DAGLA: variants seen among roughly 807,000 people sequenced by gnomAD.
DAGLA encodes the protein diacylglycerol lipase alpha.
Under a neutral mutation model 102.6 loss-of-function variants are expected in DAGLA, and 22 were observed. That is an observed-to-expected ratio of 0.21 (90% CI 0.15 to 0.31). The LOEUF is 0.31. Among genes scored for constraint, DAGLA ranks in the 10% least tolerant of loss-of-function variants. The pLI, the probability that DAGLA is intolerant of heterozygous loss-of-function variation, is 1.00. For missense variants in DAGLA, 927 were observed against 1,446.6 expected, an observed-to-expected ratio of 0.64 and a Z score of 5.83; for synonymous variants, 578 against 628.9, an observed-to-expected ratio of 0.92 and a Z score of 1.21.
intron 19 of DAGLA, 130 bp from the exon 20 acceptor site, chr11:61,743,402 G>C (rs1373198818): frequency 3.2e-6 from 2 of 632,368 alleles, no homozygotes; most frequent in African/African-American, 3.7e-5. Context: ...ATTCCCTGCT[G>C]CACATCATCA....
chr11:61,741,386 A>AG lies in DAGLA; in HGVS notation c.2171+38dup, dbSNP rs770506174. On this transcript the variant is annotated intron_variant, in intron 19 of 19. Coordinates refer to ENST00000257215, the MANE Select transcript of DAGLA (RefSeq NM_006133.3). The stretch of plus-strand genomic sequence containing the variant: ...CCACTCCCAGCCCCACCCCAGGGTG[A>AG]GTGTGGTTCAGAGCACATAGACTTG... 7 of 1,585,130 alleles carry AG rather than the reference A, an allele frequency of 4.4e-6. No individual in the cohort carries two copies. In the East Asian group the frequency reaches 1.6e-4, roughly 35 times the overall value.
intron 18 of DAGLA, 120 bp from the exon 19 acceptor site, chr11:61,741,042 C>T: frequency 1.1e-6 from 1 of 950,128 alleles, no homozygotes; most frequent in Non-Finnish European, 1.6e-6. Flanking sequence ...GAGAGTGGGA[C>T]CCAAGTGACT....
chr11:61,726,953 TG>T lies in DAGLA; in HGVS notation c.636+872del. On this transcript the variant is annotated intron_variant, in intron 6 of 19. Coordinates refer to ENST00000257215, the MANE Select transcript of DAGLA (RefSeq NM_006133.3). The stretch of plus-strand genomic sequence containing the variant: ...CTGGGGCGGTCTGAGGGGTCTGGGC[TG>T]CAAGGCAGGCCATGCAGAGGGCAGA... 2.0e-5 allele frequency among the ~76,000 whole-genome samples: 3 copies of T among 152,348 alleles called. 1 individual carries two copies. In the Middle Eastern group the frequency reaches 0.01, roughly 518 times the overall value.
intron 18 of DAGLA, 47 bp from the exon 19 acceptor site, chr11:61,741,115 G>A (rs750721225): frequency 1.2e-5 from 19 of 1,557,054 alleles, no homozygotes; most frequent in Non-Finnish European, 1.7e-5. Context: ...CCACGATGGG[G>A]CCTGATGTCC....
intron 1 of DAGLA, among the ~76,000 whole-genome samples, chr11:61,682,883 C>T (rs2064955569): frequency 6.6e-6 from 1 of 151,072 alleles, no homozygotes; most frequent in African/African-American, 2.4e-5. Flanking sequence ...TGCCCTCAGA[C>T]ACATAGGGGA....
At chr11:61,733,691 A>T (rs2065397080) in intron 9 of DAGLA, among the ~76,000 whole-genome samples, 1 of 151,900 alleles carries the variant, frequency 6.6e-6, no homozygotes, top group Non-Finnish European at 1.5e-5. Context: ...GCTACTGTGT[A>T]CCTGGCCCTG....
chr11:61,725,357 G>A (rs754075793), intron 5 of DAGLA, among the ~76,000 whole-genome samples: 3 of 152,184 alleles, frequency 2.0e-5, no homozygotes, highest in Non-Finnish European at 4.4e-5. Flanking sequence ...GATGGGGTTG[G>A]GGGGTGAGAA....
intron 6 of DAGLA, among the ~76,000 whole-genome samples, chr11:61,726,920 G>C (rs1481813867): frequency 6.6e-6 from 1 of 152,244 alleles, no homozygotes; most frequent in African/African-American, 2.4e-5. Context: ...GCACCCCCTT[G>C]GGTCTCTCTG....
At chr11:61,688,349 G>A (rs1010140881) in intron 1 of DAGLA, among the ~76,000 whole-genome samples, 1 of 150,588 alleles carries the variant, frequency 6.6e-6, no homozygotes, top group African/African-American at 2.4e-5. Flanking sequence ...AGGATTGCTC[G>A]TACATGAGAT....
rs569656280 is a variant in DAGLA at position 61,744,668 on chromosome 11, G to A, written c.*179G>A. 3 of 576,456 alleles carry A rather than the reference G, an allele frequency of 5.2e-6. No individual in the cohort carries two copies. In the South Asian group the frequency reaches 7.2e-5, roughly 14 times the overall value. The allele number at this position is 576,456 out of a possible 1,614,324, so 35.7% of individuals were successfully genotyped here. ...CCTACCTCAGCTTAGGACCCCCAGA[G>A]CCAAGGTGGCTGGGATCTGGCCCCA... On this transcript the variant is annotated 3_prime_UTR_variant, in exon 20 of 20. Coordinates refer to ENST00000257215, the MANE Select transcript of DAGLA (RefSeq NM_006133.3).
chr11:61,729,062 C>A, intron 8 of DAGLA, 54 bp downstream of exon 8: 1 of 1,509,794 alleles, frequency 6.6e-7, no homozygotes, highest in Non-Finnish European at 9.2e-7. Context: ...CCCACTCTGC[C>A]ACAATGACCT....
chr11:61,708,558 A>G (rs1591034072), intron 1 of DAGLA, among the ~76,000 whole-genome samples: 1 of 148,102 alleles, frequency 6.8e-6, no homozygotes, highest in East Asian at 2.0e-4. Flanking sequence ...TTTTTTTTGT[A>G]TTTTTTAGTA....
chr11:61,699,708 G>A (rs2065094035), intron 1 of DAGLA, among the ~76,000 whole-genome samples: 1 of 152,212 alleles, frequency 6.6e-6, no homozygotes, highest in Non-Finnish European at 1.5e-5. Flanking sequence ...TGGAGGGAAG[G>A]CCAAAGCATT....
In DAGLA at chr11:61,736,293, C is replaced by G; in HGVS notation, c.1314C>G (p.Tyr438Ter). ...GHKGMVLSAE[Y>*]IKKKLEQEMV... is the part of the protein sequence containing the mutation. ...AGGGTATGGTCCTCTCAGCTGAGTA[C>G]ATCAAGAAGAAACTGGAGCAGGAGA... The change falls in exon 13 of 20, where the codon TAC becomes TAG. Residue 438 changes from tyrosine (Y) to a stop codon, truncating the protein, a stop_gained. Transcript: ENST00000257215. LOFTEE classifies it high-confidence loss of function. 2 of 1,614,158 alleles carry G rather than the reference C, an allele frequency of 1.2e-6. No homozygotes were observed. The highest frequency in any genetic ancestry group is 1.7e-6 in the Non-Finnish European group (2 of 1,180,002).
In DAGLA at chr11:61,686,820, G is replaced by A. The variant is rs1333378603; in HGVS notation, c.-45+6316G>A. ...TCCTTGAGGTTAATCTATTATTGAT[G>A]TCCCTTCGTTTATATAACATATGCT... On this transcript the variant is annotated intron_variant, in intron 1 of 19. Transcript: ENST00000257215. The surrounding 1 kb of genome is among the most constrained non-coding windows in gnomAD (Gnocchi z 5.2). Among the ~76,000 whole-genome samples the A allele has an allele frequency of 6.6e-6, 1 of 152,158 alleles. No individual in the cohort carries two copies. Among genetic ancestry groups the A allele is most frequent in the African/African-American group, 2.4e-5 (1 of 41,428 alleles).
intron 1 of DAGLA, among the ~76,000 whole-genome samples, chr11:61,709,532 G>A (rs1373546367): frequency 6.6e-6 from 1 of 152,180 alleles, no homozygotes; most frequent in Non-Finnish European, 1.5e-5. Context: ...ACTGAAGCCT[G>A]CCCACTATGG....
chr11:61,710,835 G>A (rs151145075), intron 1 of DAGLA, among the ~76,000 whole-genome samples: 111 of 152,318 alleles, frequency 7.3e-4, no homozygotes, highest in African/African-American at 2.5e-3. Context: ...TCTAAGAGCT[G>A]AGCACTTTAT....
At chr11:61,691,973 C>T (rs1377724435) in intron 1 of DAGLA, among the ~76,000 whole-genome samples, 2 of 152,236 alleles carry the variant, frequency 1.3e-5, no homozygotes, top group Non-Finnish European at 2.9e-5. Flanking sequence ...ACACAGATCA[C>T]TGGGGAGCTT....
intron 1 of DAGLA, among the ~76,000 whole-genome samples, chr11:61,699,084 C>T (rs955254568): frequency 3.3e-5 from 5 of 152,168 alleles, no homozygotes; most frequent in Admixed American, 1.3e-4. Flanking sequence ...CCTCTGGCTG[C>T]GTATGGGTGG....
Sources: allele counts gnomAD v4.1 joint callset (sites outside exome capture counted in the v4.1 genomes callset), GRCh38; gene constraint gnomAD v4.1.1; non-coding constraint Gnocchi (gnomAD v3.1); transcripts MANE v1.5; gene names NCBI Gene and HGNC (gene_info 2026-07-23, HGNC 2026-07-21).